IGF1R: variants seen among roughly 807,000 people sequenced by gnomAD.
IGF1R encodes the protein insulin-like growth factor 1 receptor.
IGF1R carries 44 observed loss-of-function variants against 144.6 expected under a neutral mutation model. That is an observed-to-expected ratio of 0.30 (90% CI 0.24 to 0.39). IGF1R has a LOEUF of 0.39. Among genes scored for constraint, IGF1R ranks in the 10% least tolerant of loss-of-function variants. The probability of loss-of-function intolerance (pLI) is 1.00; values close to 1 mark genes in which losing one functional copy is unlikely to be tolerated. For synonymous variants in IGF1R, 795 were observed against 722.8 expected (o/e 1.10, Z -1.60); for missense variants, 1,355 against 1,833.7 (o/e 0.74, Z 4.77).
At chr15:98,858,668 C>T (rs1026483147) in intron 2 of IGF1R, among the ~76,000 whole-genome samples, 2 of 152,208 alleles carry the variant, frequency 1.3e-5, no homozygotes, top group African/African-American at 2.4e-5. Context: ...TGCTAATAAA[C>T]GTGGACGAGG....
chr15:98,812,053 A>G (rs12050484), intron 2 of IGF1R, among the ~76,000 whole-genome samples: 65,803 of 152,222 alleles, frequency 0.43, 16,581 homozygotes, highest in East Asian at 0.61. Flanking sequence ...TTTGTTTCAG[A>G]GTTTTAAGTC....
chr15:98,952,273 G>A (rs1175088613), intron 20 of IGF1R, among the ~76,000 whole-genome samples: 8 of 144,588 alleles, frequency 5.5e-5, no homozygotes, highest in South Asian at 4.4e-4. Flanking sequence ...CTGGGGATCC[G>A]GGAGCCTGGC....
Position 98,855,181 on chromosome 15 carries a change from T to C in IGF1R, c.641-36144T>C, listed in dbSNP as rs958906164. Among the ~76,000 whole-genome samples the C allele has an allele frequency of 3.9e-5, 6 of 152,314 alleles. No individual in the cohort carries two copies. The East Asian group carries it at 9.6e-4, about 24-fold the overall frequency. ...TCCTCCTGTGGTTGGGGTGGGGAGC[T>C]TTCTCTGTGTCCCCCCATGAGAGTG... On this transcript the variant is annotated intron_variant, in intron 2 of 20. Transcript: ENST00000650285.
At chr15:98,805,194 G>A (rs1177372030) in intron 2 of IGF1R, among the ~76,000 whole-genome samples, 3 of 152,116 alleles carry the variant, frequency 2.0e-5, no homozygotes, top group African/African-American at 7.2e-5. Context: ...TATACATGCA[G>A]GTGCGATTTA....
rs529777938 is a variant in IGF1R at position 98,678,665 on chromosome 15, C to T, written c.95-28897C>T. ...GTAGCCGGGACCACAGGTGTTTTGC[C>T]GCCACACCCGGCTAATTTTTTATTT... is the stretch of plus-strand genomic sequence containing the variant. On this transcript the variant is annotated intron_variant, in intron 1 of 20. Coordinates refer to ENST00000650285, the MANE Select transcript of IGF1R (RefSeq NM_000875.5). 3.0e-4 allele frequency among the ~76,000 whole-genome samples: 45 copies of T among 150,266 alleles called. No individual in the cohort carries two copies. In the South Asian group the frequency reaches 4.0e-3, roughly 13 times the overall value.
intron 2 of IGF1R, among the ~76,000 whole-genome samples, chr15:98,713,181 C>T (rs539612664): frequency 1.1e-4 from 16 of 152,176 alleles, no homozygotes; most frequent in African/African-American, 3.9e-4. Context: ...CTGCAGATTT[C>T]GGGAGGCCTG....
At chr15:98,865,543 G>T (rs996066745) in intron 2 of IGF1R, among the ~76,000 whole-genome samples, 1 of 152,250 alleles carries the variant, frequency 6.6e-6, no homozygotes, top group Non-Finnish European at 1.5e-5. Flanking sequence ...GCTTCGGCAT[G>T]TGCTAAAGTG....
chr15:98,711,790 A>G (rs995794429), intron 2 of IGF1R, among the ~76,000 whole-genome samples: 10 of 152,096 alleles, frequency 6.6e-5, no homozygotes, highest in African/African-American at 1.7e-4. Context: ...GGCTGCTGTA[A>G]CAAAATCCCA....
At chr15:98,706,599 AAAC>A (rs1352765571) in intron 1 of IGF1R, among the ~76,000 whole-genome samples, 1 of 151,978 alleles carries the variant, frequency 6.6e-6, no homozygotes, top group Non-Finnish European at 1.5e-5. Flanking sequence ...TAAAAAAAAA[AAAC>A]AACCCTCATG....
At chr15:98,749,545 C>G (rs937155313) in intron 2 of IGF1R, among the ~76,000 whole-genome samples, 1 of 152,150 alleles carries the variant, frequency 6.6e-6, no homozygotes, top group African/African-American at 2.4e-5. Flanking sequence ...TTCTAAGTTT[C>G]CATTAGCTAT....
chr15:98,786,423 C>G (rs1286251150), intron 2 of IGF1R, among the ~76,000 whole-genome samples: 1 of 150,752 alleles, frequency 6.6e-6, no homozygotes, highest in East Asian at 1.9e-4. Context: ...CTAGATTTTT[C>G]TGGGACAGAT....
intron 10 of IGF1R, among the ~76,000 whole-genome samples, chr15:98,918,793 C>A (rs576582412): frequency 6.6e-6 from 1 of 152,134 alleles, no homozygotes; most frequent in Non-Finnish European, 1.5e-5. Flanking sequence ...GCAGGATAAT[C>A]GCTTGAACCC....
chr15:98,770,735 A>ACT (rs200765684), intron 2 of IGF1R, among the ~76,000 whole-genome samples: 1 of 152,040 alleles, frequency 6.6e-6, no homozygotes, highest in East Asian at 1.9e-4. Flanking sequence ...GGCAACAATC[A>ACT]CTGTCTCTCA....
chr15:98,843,860 A>G (rs1482374579), intron 2 of IGF1R, among the ~76,000 whole-genome samples: 3 of 152,224 alleles, frequency 2.0e-5, no homozygotes, highest in South Asian at 2.1e-4. Context: ...GTCAAGCAGT[A>G]TATTTTCACG....
At chr15:98,844,322 A>G (rs541880247) in intron 2 of IGF1R, among the ~76,000 whole-genome samples, 82 of 152,368 alleles carry the variant, frequency 5.4e-4, no homozygotes, top group Non-Finnish European at 1.1e-3. Context: ...CTTTTAAACA[A>G]ATTGTCACAA....
intron 2 of IGF1R, among the ~76,000 whole-genome samples, chr15:98,866,944 A>C (rs1031880624): frequency 1.3e-5 from 2 of 151,964 alleles, no homozygotes; most frequent in African/African-American, 4.8e-5. Flanking sequence ...TTTGTTTTCC[A>C]CTCTGTCTGG....
chr15:98,922,176 C>T lies in IGF1R; in HGVS notation c.2230C>T (p.Gln744Ter), dbSNP rs2151690655. The T allele has an allele frequency of 6.2e-7, 1 of 1,614,212 alleles. No homozygotes were observed. Among genetic ancestry groups the T allele is most frequent in the Non-Finnish European group, 8.5e-7 (1 of 1,180,048 alleles). Reference protein sequence around the residue: ...RPERKRRDVMQVANTTMSSRS... With the variant: ...RPERKRRDVM Reference sequence around the variant, plus strand: ...TGAAAGGAAGCGGAGAGATGTCATGCAAGTGGCCAACACCACCATGTCCAG... The same window carrying T: ...TGAAAGGAAGCGGAGAGATGTCATGTAAGTGGCCAACACCACCATGTCCAG... The change falls in exon 11 of 21, where the codon CAA becomes TAA. Residue 744 changes from glutamine (Q) to a stop codon, truncating the protein, a stop_gained. Transcript: ENST00000650285. LOFTEE classifies it high-confidence loss of function.
intron 2 of IGF1R, among the ~76,000 whole-genome samples, chr15:98,868,775 A>G (rs1403085426): frequency 6.6e-6 from 1 of 152,166 alleles, no homozygotes; most frequent in Non-Finnish European, 1.5e-5. Context: ...GCGTATGCCA[A>G]GCGCTTAGCA....
At chr15:98,938,171 T>C (rs1032109373) in intron 17 of IGF1R, among the ~76,000 whole-genome samples, 8 of 152,228 alleles carry the variant, frequency 5.3e-5, no homozygotes, top group Non-Finnish European at 1.2e-4. Context: ...GCACTTTCTG[T>C]GCGTGGCCCC....
Sources: allele counts gnomAD v4.1 joint callset (sites outside exome capture counted in the v4.1 genomes callset), GRCh38; gene constraint gnomAD v4.1.1; transcripts MANE v1.5; gene names NCBI Gene and HGNC (gene_info 2026-07-23, HGNC 2026-07-21).